The following SLC71A2 variants were observed in gnomAD, a reference collection of about 807,000 sequenced individuals.
The protein encoded by SLC71A2 is hippocampus abundant transcript-like 1.
At chr9:94,448,418 A>T in the SLC71A2 span, among the ~76,000 whole-genome samples, 11 of 152,186 alleles carry the variant, frequency 7.2e-5, no homozygotes, top group African/African-American at 2.7e-4. Context: ...CTCAGACCTA[A>T]GCTGCCTTTC....
chr9:94,419,254 C>T, the SLC71A2 span, among the ~76,000 whole-genome samples: 1 of 151,084 alleles, frequency 6.6e-6, no homozygotes, highest in Non-Finnish European at 1.5e-5. Context: ...GCTAAGACTA[C>T]AGTTGTGCAC....
chr9:94,426,024 C>T, the SLC71A2 span, among the ~76,000 whole-genome samples: 32 of 151,634 alleles, frequency 2.1e-4, no homozygotes, highest in Non-Finnish European at 3.7e-4. Context: ...AGTTCTTCAG[C>T]CCAGGTGGAA....
the SLC71A2 span, among the ~76,000 whole-genome samples, chr9:94,384,882 A>G: frequency 6.6e-6 from 1 of 151,794 alleles, no homozygotes; most frequent in Non-Finnish European, 1.5e-5. Context: ...GCCCTTAATT[A>G]ATGGATTAAT....
chr9:94,437,211 A>G, the SLC71A2 span, among the ~76,000 whole-genome samples: 5 of 141,464 alleles, frequency 3.5e-5, no homozygotes, highest in African/African-American at 1.3e-4. Flanking sequence ...GGAGTGTCCT[A>G]TTTATGTGAT....
chr9:94,442,684 C>T, the SLC71A2 span, among the ~76,000 whole-genome samples: 9 of 109,760 alleles, frequency 8.2e-5, no homozygotes. Flanking sequence ...AACCCCGTCT[C>T]TACTAAAATA....
At chr9:94,378,696 G>T in the SLC71A2 span, among the ~76,000 whole-genome samples, 3 of 152,196 alleles carry the variant, frequency 2.0e-5, no homozygotes, top group African/African-American at 7.2e-5. Context: ...AAACAATTGA[G>T]AAGAGATCAG....
chr9:94,452,670 T>TATATATTCATATATTCATATATATTC, the SLC71A2 span, among the ~76,000 whole-genome samples: 2 of 53,824 alleles, frequency 3.7e-5, no homozygotes, highest in Non-Finnish European at 3.5e-5. Context: ...TATATATTCA[T>TATATATTCATATATTCATATATATTC]ATATATTCAT....
At chr9:94,386,597 C>T in the SLC71A2 span, among the ~76,000 whole-genome samples, 1 of 152,188 alleles carries the variant, frequency 6.6e-6, no homozygotes, top group Non-Finnish European at 1.5e-5. Context: ...CTCTCTCTCT[C>T]TTCCCTCCAT....
the SLC71A2 span, among the ~76,000 whole-genome samples, chr9:94,409,788 C>T: frequency 6.6e-6 from 1 of 151,624 alleles, no homozygotes; most frequent in East Asian, 1.9e-4. Flanking sequence ...TTAATGATGT[C>T]TAATTTCATT....
At chr9:94,452,631 ATT>A in the SLC71A2 span, among the ~76,000 whole-genome samples, 1 of 93,268 alleles carries the variant, frequency 1.1e-5, no homozygotes, top group East Asian at 2.2e-4. Context: ...ATATATATAT[ATT>A]TTCATATATA....
At chr9:94,410,394 C>T in the SLC71A2 span, among the ~76,000 whole-genome samples, 1 of 126,322 alleles carries the variant, frequency 7.9e-6, no homozygotes, top group African/African-American at 3.1e-5. Flanking sequence ...TGAGCTACTG[C>T]ACTGGGCCTA....
chr9:94,442,841 G>A, the SLC71A2 span, among the ~76,000 whole-genome samples: 3 of 149,440 alleles, frequency 2.0e-5, no homozygotes, highest in African/African-American at 4.9e-5. Context: ...GGTCAGACCC[G>A]CCTCAAAAAA....
the SLC71A2 span, among the ~76,000 whole-genome samples, chr9:94,387,869 C>A: frequency 6.6e-6 from 1 of 152,144 alleles, no homozygotes; most frequent in Non-Finnish European, 1.5e-5. Flanking sequence ...TAAATTAGGT[C>A]AAGCCACGAG....
chr9:94,404,942 A>G, the SLC71A2 span, among the ~76,000 whole-genome samples: 117 of 152,122 alleles, frequency 7.7e-4, no homozygotes, highest in African/African-American at 2.6e-3. Flanking sequence ...GCTTTCCTCC[A>G]TGTTTTCTTC....
the SLC71A2 span, among the ~76,000 whole-genome samples, chr9:94,448,071 A>G: frequency 6.6e-6 from 1 of 152,012 alleles, no homozygotes; most frequent in African/African-American, 2.4e-5. Flanking sequence ...ACAGTTGTGC[A>G]TAAAGCTGCT....
the SLC71A2 span, among the ~76,000 whole-genome samples, chr9:94,397,248 T>C: frequency 6.6e-6 from 1 of 152,292 alleles, no homozygotes; most frequent in African/African-American, 2.4e-5. Context: ...TATTCCCTTA[T>C]TATTAACATT....
At chr9:94,458,744 A>G in the SLC71A2 span, among the ~76,000 whole-genome samples, 1 of 152,218 alleles carries the variant, frequency 6.6e-6, no homozygotes. Context: ...AAAATTTGAA[A>G]TGACCTAAAA....
chr9:94,447,797 T>C, the SLC71A2 span, among the ~76,000 whole-genome samples: 2 of 152,180 alleles, frequency 1.3e-5, no homozygotes, highest in African/African-American at 4.8e-5. Context: ...CAGTGAATTT[T>C]CACTGCAAAA....
chr9:94,400,631 C>T, the SLC71A2 span, among the ~76,000 whole-genome samples: 7 of 151,784 alleles, frequency 4.6e-5, no homozygotes, highest in African/African-American at 1.7e-4. Context: ...TCCCCATACC[C>T]CCTTTAGTGA....
Sources: gnomAD v4.1 joint callset for allele counts (sites outside exome capture counted in the v4.1 genomes callset) on GRCh38, gnomAD v4.1.1 for gene constraint, MANE v1.5 for transcripts, NCBI Gene and HGNC (gene_info 2026-07-23, HGNC 2026-07-21) for gene names.